The following NUP35 variants were observed in gnomAD, a reference collection of about 807,000 sequenced individuals.
NUP35 encodes the protein nucleoporin NUP35.
NUP35 carries 25 observed loss-of-function variants against 41.5 expected under a neutral mutation model. The observed-to-expected ratio is 0.60, with a 90% CI of 0.44 to 0.84. The LOEUF (loss-of-function observed/expected upper bound fraction) is 0.84, where lower values mean the gene tolerates loss of function less well. Among genes scored for constraint, NUP35 ranks in the 40% least tolerant of loss-of-function variants. The probability of loss-of-function intolerance (pLI) is 0.00; values close to 1 mark genes in which losing one functional copy is unlikely to be tolerated. For missense variants in NUP35, 396 were observed against 396.6 expected (o/e 1.00, Z 0.01); for synonymous variants, 149 against 130.7 (o/e 1.14, Z -0.96).
At chr2:183,155,734 C>T (rs1685641544) in intron 5 of NUP35, among the ~76,000 whole-genome samples, 2 of 152,050 alleles carry the variant, frequency 1.3e-5, no homozygotes, top group African/African-American at 4.8e-5. Context: ...AGCTTGGCTG[C>T]ATGTTTTTGA....
At position 183,149,597 on chromosome 2, in the gene NUP35, T is replaced by C. The variant is rs575990630; in HGVS notation, c.398-1911T>C. ...TGAGAAAAAGGCAAATGAAACTTCATGTTTTTGTGAAAATAATTTTGAGTT... is the reference window on the plus strand; with the variant it reads ...TGAGAAAAAGGCAAATGAAACTTCACGTTTTTGTGAAAATAATTTTGAGTT... On this transcript the variant is annotated intron_variant, in intron 4 of 8. Transcript: ENST00000295119. 3.5e-4 allele frequency among the ~76,000 whole-genome samples: 54 copies of C among 152,354 alleles called. 2 individuals carry two copies. The South Asian group carries it at 9.3e-3, about 26-fold the overall frequency.
upstream of NUP35, among the ~76,000 whole-genome samples, chr2:183,121,844 A>G (rs917617448): frequency 2.6e-5 from 4 of 151,638 alleles, no homozygotes; most frequent in Non-Finnish European, 4.4e-5. Context: ...ATAAATAAAT[A>G]AATAAATAAA....
intron 8 of NUP35, 33 bp from the exon 9 acceptor site, chr2:183,161,016 ATAACC>A (rs755500346): frequency 6.1e-5 from 94 of 1,544,770 alleles, no homozygotes; most frequent in East Asian, 5.2e-4. Flanking sequence ...TGAAGTAACA[ATAACC>A]TAACCGTTTT....
Position 183,140,531 on chromosome 2 carries a change from C to T in NUP35, c.397+6908C>T, listed in dbSNP as rs114400051. 8.8e-3 allele frequency among the ~76,000 whole-genome samples: 1,343 copies of T among 152,138 alleles called. 23 individuals are homozygous for T. The highest frequency in any genetic ancestry group is 0.031 in the African/African-American group (1,302 of 41,504). ...TATGTTTTAGTCAAAATAATAAATT[C>T]AGATGGTTTTAGAAAATTAAATAGA... is the stretch of plus-strand genomic sequence containing the variant. On this transcript the variant is annotated intron_variant, in intron 4 of 8. Transcript: ENST00000295119.
intron 4 of NUP35, among the ~76,000 whole-genome samples, chr2:183,138,330 A>T (rs373707194): frequency 2.5e-4 from 35 of 142,294 alleles, no homozygotes; most frequent in South Asian, 4.4e-4. Flanking sequence ...GATGATTAGT[A>T]AATCTTAGCT....
chr2:183,121,754 T>C (rs1222364759), upstream of NUP35, among the ~76,000 whole-genome samples: 1 of 151,856 alleles, frequency 6.6e-6, no homozygotes, highest in African/African-American at 2.4e-5. Context: ...GGGGAATCAG[T>C]GGAGGTTGCA....
intron 4 of NUP35, among the ~76,000 whole-genome samples, chr2:183,140,105 T>G (rs1685034158): frequency 6.6e-6 from 1 of 152,224 alleles, no homozygotes; most frequent in Non-Finnish European, 1.5e-5. Flanking sequence ...TATCACAAAT[T>G]AATATCTTAA....
intron 3 of NUP35, chr2:183,131,091 T>C: frequency 2.5e-6 from 1 of 405,384 alleles, no homozygotes; most frequent in Non-Finnish European, 5.0e-6. Context: ...CCAATCCTCC[T>C]GCCTCAACTG....
At chr2:183,159,784 A>T in intron 8 of NUP35, 132 bp downstream of exon 8, 1 of 626,588 alleles carries the variant, frequency 1.6e-6, no homozygotes, top group African/African-American at 1.9e-5. Context: ...TGAAACCTTT[A>T]CGCTTTAAAA....
At chr2:183,119,105 G>C (rs547265180) in intron 1 of NUP35, among the ~76,000 whole-genome samples, 5 of 152,170 alleles carry the variant, frequency 3.3e-5, no homozygotes, top group South Asian at 4.2e-4. Context: ...GGATCTTATC[G>C]GGAAGCTGCC....
At chr2:183,156,420 A>G (rs1434935271) in intron 5 of NUP35, among the ~76,000 whole-genome samples, 2 of 152,120 alleles carry the variant, frequency 1.3e-5, no homozygotes, top group Non-Finnish European at 2.9e-5. Context: ...GCGCATTGCA[A>G]CCTTTCCTTC....
chr2:183,146,142 A>G (rs138674446), intron 4 of NUP35, among the ~76,000 whole-genome samples: 4 of 152,212 alleles, frequency 2.6e-5, no homozygotes, highest in African/African-American at 9.6e-5. Context: ...AAGCTGAGAC[A>G]GGAGAAACGC....
At chr2:183,138,269 A>ATATCTATTTTTTTTT in intron 4 of NUP35, among the ~76,000 whole-genome samples, 1 of 80,690 alleles carries the variant, frequency 1.2e-5, no homozygotes, top group South Asian at 4.8e-4. Context: ...ATATATATAT[A>ATATCTATTTTTTTTT]TTTTTTTTTT....
chr2:183,124,400 C>T, upstream of NUP35: 1 of 1,613,968 alleles, frequency 6.2e-7, no homozygotes, highest in South Asian at 1.1e-5. Flanking sequence ...GGGAGCGTTT[C>T]CGCCATTTTT....
intron 1 of NUP35, chr2:183,118,427 A>T (rs945761367): frequency 1.3e-5 from 2 of 152,244 alleles, no homozygotes; most frequent in Non-Finnish European, 2.9e-5. Flanking sequence ...AACTATAAAC[A>T]GGTCTTCATT....
At chr2:183,151,365 CTA>C in intron 4 of NUP35, 141 bp from the exon 5 acceptor site, 1 of 613,874 alleles carries the variant, frequency 1.6e-6, no homozygotes, top group Non-Finnish European at 2.7e-6. Flanking sequence ...CATGAAATTG[CTA>C]TTTGACCACA....
intron 4 of NUP35, among the ~76,000 whole-genome samples, chr2:183,142,638 C>T (rs1685137502): frequency 9.2e-6 from 1 of 108,876 alleles, no homozygotes; most frequent in African/African-American, 4.7e-5. Flanking sequence ...GCACCACATG[C>T]TGGGCTACTT....
At chr2:183,127,892 G>A (rs1198211035) in intron 1 of NUP35, among the ~76,000 whole-genome samples, 1 of 152,090 alleles carries the variant, frequency 6.6e-6, no homozygotes, top group African/African-American at 2.4e-5. Flanking sequence ...GGGCAGCATG[G>A]TGAAACCCCA....
At chr2:183,125,222 C>T (rs1355890679) in intron 1 of NUP35, among the ~76,000 whole-genome samples, 5 of 151,058 alleles carry the variant, frequency 3.3e-5, no homozygotes, top group Middle Eastern at 3.2e-3. Context: ...TGCGGAGCCT[C>T]GTTGAAATAT....
Sources: gnomAD v4.1 joint callset for allele counts (sites outside exome capture counted in the v4.1 genomes callset) on GRCh38, gnomAD v4.1.1 for gene constraint, MANE v1.5 for transcripts, NCBI Gene and HGNC (gene_info 2026-07-23, HGNC 2026-07-21) for gene names.